Variants in FAM181B observed in about 807,000 individuals in gnomAD.
The protein encoded by FAM181B is protein FAM181B.
Under a neutral mutation model 17.8 loss-of-function variants are expected in FAM181B, and 13 were observed. That is an observed-to-expected ratio of 0.73 (90% CI 0.48 to 1.16). The LOEUF is 1.16. FAM181B is among the 50% of genes most tolerant of loss of function. FAM181B has a pLI of 0.00. For synonymous variants in FAM181B, 338 were observed against 316.5 expected, an observed-to-expected ratio of 1.07 and a Z score of -0.72; for missense variants, 725 against 634.1, an observed-to-expected ratio of 1.14 and a Z score of -1.54.
rs1361433925 is a variant in FAM181B at position 82,733,102 on chromosome 11, C to T, written c.628G>A (p.Gly210Arg). The change falls in exon 1 of 1, where the codon GGG (glycine) becomes AGG (arginine). Residue 210 changes from glycine to arginine, a missense_variant. Coordinates refer to ENST00000329203, the MANE Select transcript of FAM181B (RefSeq NM_175885.4). Reference sequence around the variant, plus strand: ...CTGGCCCCTGGGATCGCCGTGGCCCCCGCGGGGCCTGCCACGTCCCCTCCC... The same window carrying T: ...CTGGCCCCTGGGATCGCCGTGGCCCTCGCGGGGCCTGCCACGTCCCCTCCC... ...GAGGDVAGPA[G>R]ATAIPGARKV... is the part of the protein sequence containing the mutation. 1 of 1,488,708 alleles carries T rather than the reference C, an allele frequency of 6.7e-7. No homozygotes were observed. The highest frequency in any genetic ancestry group is 1.3e-5 in the South Asian group (1 of 77,688). The allele number at this position is 1,488,708 out of a possible 1,614,324, so 92.2% of individuals were successfully genotyped here. A position where few individuals can be genotyped will look rare whatever the true frequency, so the allele number is the denominator to read the frequency against.
Position 82,731,681 on chromosome 11 carries a change from AG to A in FAM181B, c.*767del, listed in dbSNP as rs1857131675. 3 of 152,190 alleles carry A rather than the reference AG, an allele frequency of 2.0e-5. No individual in the cohort carries two copies. Among genetic ancestry groups the A allele is most frequent in the African/African-American group, 4.8e-5 (2 of 41,450 alleles). The allele number at this position is 152,190 out of a possible 1,614,324, so 9.4% of individuals were successfully genotyped here. A position where few individuals can be genotyped will look rare whatever the true frequency, so the allele number is the denominator to read the frequency against. On this transcript the variant is annotated 3_prime_UTR_variant, in exon 1 of 1. Transcript: ENST00000329203. ...AAAAGACAGGAGAGAAATGGAACCC[AG>A]GTTTGCCAAATTTAAGTCTCCTACA...
At position 82,733,111 on chromosome 11, in the gene FAM181B, C is replaced by T; in HGVS notation, c.619G>A (p.Gly207Ser). 1.4e-6 allele frequency: 2 copies of T among 1,473,862 alleles called. No individual in the cohort carries two copies. Among genetic ancestry groups the T allele is most frequent in the South Asian group, 1.3e-5 (1 of 75,882 alleles). 91.3% of individuals were successfully genotyped at this position (1,473,862 alleles called of 1,614,324 possible). The change falls in exon 1 of 1, where the codon GGC becomes AGC. Residue 207 changes from glycine (G) to serine (S), a missense_variant. Transcript: ENST00000329203. Reference sequence around the variant, plus strand: ...GGGATCGCCGTGGCCCCCGCGGGGCCTGCCACGTCCCCTCCCGCGCCCCCA... The same window carrying T: ...GGGATCGCCGTGGCCCCCGCGGGGCTTGCCACGTCCCCTCCCGCGCCCCCA... Reference protein sequence around the residue: ...GTGGAGGDVAGPAGATAIPGA... With the variant: ...GTGGAGGDVASPAGATAIPGA...
rs1857118407 is a variant in FAM181B at position 82,730,627 on chromosome 11, CT to C, written c.*1821del. On this transcript the variant is annotated 3_prime_UTR_variant, in exon 1 of 1. Coordinates refer to ENST00000329203, the MANE Select transcript of FAM181B (RefSeq NM_175885.4). ...TTAGCTTTCTGGAGTTGCAAAAGTT[CT>C]TTTCATCATTAACAGTACTCGTTCT... 6.6e-6 allele frequency: 1 copy of C among 152,174 alleles called. No homozygotes were observed. The highest frequency in any genetic ancestry group is 1.5e-5 in the Non-Finnish European group (1 of 68,028). 9.4% of individuals were successfully genotyped at this position (152,174 alleles called of 1,614,324 possible). A position where few individuals can be genotyped will look rare whatever the true frequency, so the allele number is the denominator to read the frequency against.
At position 82,731,716 on chromosome 11, in the gene FAM181B, G is replaced by A. The variant is rs1857131797; in HGVS notation, c.*733C>T. 6.6e-6 allele frequency: 1 copy of A among 152,210 alleles called. No individual in the cohort carries two copies. 9.4% of individuals were successfully genotyped at this position (152,210 alleles called of 1,614,324 possible). Reference sequence around the variant, plus strand: ...AATTTAAGTCTCCTACAAAAGAGATGTGCAAGAAAAGCCGGCCGAAAGAAA... The same window carrying A: ...AATTTAAGTCTCCTACAAAAGAGATATGCAAGAAAAGCCGGCCGAAAGAAA... On this transcript the variant is annotated 3_prime_UTR_variant, in exon 1 of 1. Coordinates refer to ENST00000329203, the MANE Select transcript of FAM181B (RefSeq NM_175885.4).
chr11:82,730,913 TGCA>T lies in FAM181B; in HGVS notation c.*1533_*1535del, dbSNP rs1857121857. ...GCCTTGAAGCCAAGCAGCTCTCCTT[TGCA>T]GCATCATCAGAAGGCAGCCTCTCAC... On this transcript the variant is annotated 3_prime_UTR_variant, in exon 1 of 1. Coordinates refer to ENST00000329203, the MANE Select transcript of FAM181B (RefSeq NM_175885.4). 6.6e-6 allele frequency: 1 copy of T among 152,256 alleles called. No homozygotes were observed. Among genetic ancestry groups the T allele is most frequent in the Non-Finnish European group, 1.5e-5 (1 of 68,070 alleles). 9.4% of individuals were successfully genotyped at this position (152,256 alleles called of 1,614,324 possible). A position where few individuals can be genotyped will look rare whatever the true frequency, so the allele number is the denominator to read the frequency against.
rs6592081 is a variant in FAM181B at position 82,732,630 on chromosome 11, C to G, written c.1100G>C (p.Arg367Pro). Residue 367 changes from arginine (R) to proline (P), a missense_variant, in exon 1 of 1, where the codon CGG becomes CCG. Transcript: ENST00000329203. ...GGGGGCGAAAGAGGCCAAATGGCCCCGCCCGTCCTCCCCGCCGGGAGAATC... is the reference window on the plus strand; with the variant it reads ...GGGGGCGAAAGAGGCCAAATGGCCCGGCCCGTCCTCCCCGCCGGGAGAATC... ...AADSPGGEDG[R>P]GHLASFAPFF... The G allele has an allele frequency of 0.42, 639,601 of 1,531,448 alleles. 145,681 individuals are homozygous for G. The highest frequency in any genetic ancestry group is 0.82 in the African/African-American group (60,230 of 73,046). The allele number at this position is 1,531,448 out of a possible 1,614,324, so 94.9% of individuals were successfully genotyped here.
Position 82,732,580 on chromosome 11 carries a change from G to T in FAM181B, c.1150C>A (p.Pro384Thr). The change falls in exon 1 of 1, where the codon CCG (proline) becomes ACG (threonine). Residue 384 changes from proline to threonine, a missense_variant. Pro to Thr is a conservative substitution (Grantham distance 38). Coordinates refer to ENST00000329203, the MANE Select transcript of FAM181B (RefSeq NM_175885.4). ...GACACCTGATGGGGCGGCGGCGGCG[G>T]GGGCAGGGCGCAGTCTGGAAAGAAG... ...APFFPDCALP[P>T]PPPPHQVSYD... 6.2e-7 allele frequency: 1 copy of T among 1,604,754 alleles called. No individual in the cohort carries two copies.
rs1857163556 is a variant in FAM181B, at chr11:82,733,293, G to A, written c.437C>T (p.Ala146Val). 8.2e-6 allele frequency: 10 copies of A among 1,221,416 alleles called. No homozygotes were observed. The highest frequency in any genetic ancestry group is 3.4e-5 in the East Asian group (1 of 29,782). 75.7% of individuals were successfully genotyped at this position (1,221,416 alleles called of 1,614,324 possible). A position where few individuals can be genotyped will look rare whatever the true frequency, so the allele number is the denominator to read the frequency against. ...TVAAPAHGKAAPRREASQAAA... is the reference protein window; with the variant it reads ...TVAAPAHGKAVPRREASQAAA... ...GGCCTGCGACGCCTCCCGCCGGGGG[G>A]CAGCCTTGCCGTGGGCCGGGGCCGC... The change falls in exon 1 of 1, where the codon GCC (alanine) becomes GTC (valine). Residue 146 changes from alanine (A) to valine (V), a missense_variant. Coordinates refer to ENST00000329203, the MANE Select transcript of FAM181B (RefSeq NM_175885.4).
rs1857117265 is a variant in FAM181B, at chr11:82,730,532, A to G, written c.*1917T>C. On this transcript the variant is annotated 3_prime_UTR_variant, in exon 1 of 1. Transcript: ENST00000329203. ...AACAGTTTAGACAAATTAAATCGTT[A>G]TTAAGTAATATTCTGTTAGCACAAT... 1 of 152,240 alleles carries G rather than the reference A, an allele frequency of 6.6e-6. No homozygotes were observed. The highest frequency in any genetic ancestry group is 1.5e-5 in the Non-Finnish European group (1 of 68,042). The allele number at this position is 152,240 out of a possible 1,614,324, so 9.4% of individuals were successfully genotyped here.
chr11:82,733,704 C>T lies in FAM181B; in HGVS notation c.26G>A (p.Ser9Asn). Residue 9 changes from serine to asparagine, a missense_variant, in exon 1 of 1, where the codon AGC becomes AAC. Coordinates refer to ENST00000329203, the MANE Select transcript of FAM181B (RefSeq NM_175885.4). Reference sequence around the variant, plus strand: ...GCCGAAGGGCACGAAAGGGTGCGTGCTGAGGAGCGCCGCCTGCACCGCCAT... The same window carrying T: ...GCCGAAGGGCACGAAAGGGTGCGTGTTGAGGAGCGCCGCCTGCACCGCCAT... MAVQAALLSTHPFVPFGFG... is the reference protein window; with the variant it reads MAVQAALLNTHPFVPFGFG... 1 of 1,458,686 alleles carries T rather than the reference C, an allele frequency of 6.9e-7. No individual in the cohort carries two copies. The highest frequency in any genetic ancestry group is 9.0e-7 in the Non-Finnish European group (1 of 1,105,552). 90.4% of individuals were successfully genotyped at this position (1,458,686 alleles called of 1,614,324 possible).
At position 82,733,124 on chromosome 11, in the gene FAM181B, TC is replaced by T; in HGVS notation, c.605del (p.Gly202GlufsTer49). On this transcript the variant is annotated frameshift_variant, in exon 1 of 1. Coordinates refer to ENST00000329203, the MANE Select transcript of FAM181B (RefSeq NM_175885.4). LOFTEE classifies it high-confidence loss of function. ...GLGGAGTGGAGGDVAGPAGAT... is the reference protein window; with the variant it reads ...GLGGAGTGGAXGDVAGPAGAT... ...CCCCCGCGGGGCCTGCCACGTCCCC[TC>T]CCGCGCCCCCAGTGCCCGCACCTCC... The T allele has an allele frequency of 6.9e-7, 1 of 1,459,316 alleles. No individual in the cohort carries two copies. The highest frequency in any genetic ancestry group is 2.6e-5 in the Admixed American group (1 of 38,648). The allele number at this position is 1,459,316 out of a possible 1,614,324, so 90.4% of individuals were successfully genotyped here.
chr11:82,733,082 C>T lies in FAM181B; in HGVS notation c.648G>A (p.Gly216=), dbSNP rs1371197144. 9 of 1,509,818 alleles carry T rather than the reference C, an allele frequency of 6.0e-6. No homozygotes were observed. The highest frequency in any genetic ancestry group is 2.9e-5 in the African/African-American group (2 of 69,332). The allele number at this position is 1,509,818 out of a possible 1,614,324, so 93.5% of individuals were successfully genotyped here. The change falls in exon 1 of 1, where the codon GGG becomes GGA. Residue 216 remains glycine (G), a synonymous_variant. Transcript: ENST00000329203. ...AGPAGATAIP[G]ARKVPLRARN... ...GTGCCCGCAGCGGGACCTTCCTGGC[C>T]CCTGGGATCGCCGTGGCCCCCGCGG...
Position 82,733,299 on chromosome 11 carries a change from T to G in FAM181B, c.431A>C (p.Lys144Thr). 8.1e-7 allele frequency: 1 copy of G among 1,230,404 alleles called. No individual in the cohort carries two copies. Among genetic ancestry groups the G allele is most frequent in the Non-Finnish European group, 1.0e-6 (1 of 988,906 alleles). The allele number at this position is 1,230,404 out of a possible 1,614,324, so 76.2% of individuals were successfully genotyped here. ...CGACGCCTCCCGCCGGGGGGCAGCC[T>G]TGCCGTGGGCCGGGGCCGCGACTGT... ...APTVAAPAHG[K>T]AAPRREASQA... The change falls in exon 1 of 1, where the codon AAG becomes ACG. Residue 144 changes from lysine to threonine, a missense_variant. Coordinates refer to ENST00000329203, the MANE Select transcript of FAM181B (RefSeq NM_175885.4).
In FAM181B at chr11:82,732,123, G is replaced by C. The variant is rs1360651605; in HGVS notation, c.*326C>G. ...ACTGACCTTCGCTGAAAAATAGAAGGGACAGGTGGCTACAGAAGCCAGCTC... is the reference window on the plus strand; with the variant it reads ...ACTGACCTTCGCTGAAAAATAGAAGCGACAGGTGGCTACAGAAGCCAGCTC... On this transcript the variant is annotated 3_prime_UTR_variant, in exon 1 of 1. Coordinates refer to ENST00000329203, the MANE Select transcript of FAM181B (RefSeq NM_175885.4). 5.4e-6 allele frequency: 2 copies of C among 369,738 alleles called. No individual in the cohort carries two copies. The highest frequency in any genetic ancestry group is 4.3e-5 in the African/African-American group (2 of 46,654). 22.9% of individuals were successfully genotyped at this position (369,738 alleles called of 1,614,324 possible). A position where few individuals can be genotyped will look rare whatever the true frequency, so the allele number is the denominator to read the frequency against.
At position 82,732,286 on chromosome 11, in the gene FAM181B, G is replaced by T. The variant is rs1857139502; in HGVS notation, c.*163C>A. Reference sequence around the variant, plus strand: ...GTTGTGATTAAACAATCCCCAACTCGTCTTCATCTCTTTTTTCTGAAGTTG... The same window carrying T: ...GTTGTGATTAAACAATCCCCAACTCTTCTTCATCTCTTTTTTCTGAAGTTG... On this transcript the variant is annotated 3_prime_UTR_variant, in exon 1 of 1. Transcript: ENST00000329203. 3 of 686,162 alleles carry T rather than the reference G, an allele frequency of 4.4e-6. No individual in the cohort carries two copies. The highest frequency in any genetic ancestry group is 4.0e-5 in the South Asian group (2 of 50,526). 42.5% of individuals were successfully genotyped at this position (686,162 alleles called of 1,614,324 possible). A position where few individuals can be genotyped will look rare whatever the true frequency, so the allele number is the denominator to read the frequency against.
rs1041967380 is a variant in FAM181B, at chr11:82,732,482, C to T, written c.1248G>A (p.Gly416=). 1.9e-6 allele frequency: 3 copies of T among 1,612,934 alleles called. No homozygotes were observed. Among genetic ancestry groups the T allele is most frequent in the Non-Finnish European group, 2.5e-6 (3 of 1,179,980 alleles). The change falls in exon 1 of 1, where the codon GGG becomes GGA. Residue 416 remains glycine, a synonymous_variant. Transcript: ENST00000329203. Reference sequence around the variant, plus strand: ...GGTGCGCCCCCTCCTCCCCCGGCGCCCCTTCCCAAACCCCGTCGGATCTCC... The same window carrying T: ...GGTGCGCCCCCTCCTCCCCCGGCGCTCCTTCCCAAACCCCGTCGGATCTCC... The part of the protein sequence containing the change: ...SLWRSDGVWE[G]APGEEGAHRD
rs1857166756 is a variant in FAM181B at position 82,733,429 on chromosome 11, T to C, written c.301A>G (p.Ile101Val). ...CCCATGAGGCCGCTGCAGCGCTTGA[T>C]CTGCTTCTGCAGGTACTTGCGGTGG... is the stretch of plus-strand genomic sequence containing the variant. The part of the protein sequence containing the change: ...VNHRKYLQKQ[I>V]KRCSGLMGAA... Residue 101 changes from isoleucine to valine, a missense_variant, in exon 1 of 1, where the codon ATC becomes GTC. Physicochemically the swap from Ile to Val is conservative, Grantham distance 29. Coordinates refer to ENST00000329203, the MANE Select transcript of FAM181B (RefSeq NM_175885.4). The C allele has an allele frequency of 3.2e-6, 5 of 1,568,932 alleles. No individual in the cohort carries two copies. The highest frequency in any genetic ancestry group is 4.3e-6 in the Non-Finnish European group (5 of 1,157,984).
Position 82,732,966 on chromosome 11 carries a change from A to G in FAM181B, c.764T>C (p.Leu255Pro). 2 of 1,573,504 alleles carry G rather than the reference A, an allele frequency of 1.3e-6. No homozygotes were observed. The highest frequency in any genetic ancestry group is 1.7e-6 in the Non-Finnish European group (2 of 1,167,898). The change falls in exon 1 of 1, where the codon CTG (leucine) becomes CCG (proline). Residue 255 changes from leucine to proline, a missense_variant. Physicochemically the swap from Leu to Pro is moderately conservative, Grantham distance 98 (BLOSUM62 -3). Transcript: ENST00000329203. The stretch of plus-strand genomic sequence containing the variant: ...CTCCACGGCCTCCGCGCCCTTCTCC[A>G]GGTCGCCCAAGCTCACGTCCGGCCC... Reference protein sequence around the residue: ...PSGPDVSLGDLEKGAEAVEFF... With the variant: ...PSGPDVSLGDPEKGAEAVEFF...
chr11:82,732,432 G>A lies in FAM181B; in HGVS notation c.*17C>T. 6.2e-7 allele frequency: 1 copy of A among 1,611,204 alleles called. No individual in the cohort carries two copies. Among genetic ancestry groups the A allele is most frequent in the South Asian group, 1.1e-5 (1 of 90,848 alleles). ...CTCTCCACAGCCGTCTCTAATGAAG[G>A]GAAGCGTGCCTCGAAGTCAGTCCCG... On this transcript the variant is annotated 3_prime_UTR_variant, in exon 1 of 1. Transcript: ENST00000329203.
Sources: allele counts gnomAD v4.1 joint callset, GRCh38; gene constraint gnomAD v4.1.1; transcripts MANE v1.5; gene names NCBI Gene and HGNC (gene_info 2026-07-23, HGNC 2026-07-21).